Variants in OPCML observed in about 807,000 individuals in gnomAD.
OPCML encodes opioid binding protein/cell adhesion molecule like.
In OPCML, 13 loss-of-function variants were observed where a neutral mutation model predicts 37.8. The ratio of observed to expected loss-of-function variants is 0.34; its 90% CI spans 0.22 to 0.55. OPCML has a LOEUF of 0.55. OPCML is among the 20% of genes least tolerant of loss of function. The probability of loss-of-function intolerance (pLI) is 0.91; values close to 1 mark genes in which losing one functional copy is unlikely to be tolerated. For missense variants in OPCML, 341 were observed against 435.6 expected, an observed-to-expected ratio of 0.78 and a Z score of 1.93; for synonymous variants, 176 against 168.8, an observed-to-expected ratio of 1.04 and a Z score of -0.33.
Position 132,431,389 on chromosome 11 carries a change from C to T in OPCML, c.916+4697G>A, listed in dbSNP as rs74872104. Among the ~76,000 whole-genome samples the T allele has an allele frequency of 2.8e-4, 42 of 152,310 alleles. No individual in the cohort carries two copies. The South Asian group carries it at 8.3e-3, about 30-fold the overall frequency. On this transcript the variant is annotated intron_variant, in intron 7 of 7. Coordinates refer to ENST00000524381, the MANE Select transcript of OPCML (RefSeq NM_001012393.5). ...GGAACCCCGTGTTCCTTGCTGCTGG[C>T]GTTGACCGCCTTTCCACATCGGGCC...
At chr11:133,190,650 T>C (rs1265611514) in intron 1 of OPCML, among the ~76,000 whole-genome samples, 1 of 152,294 alleles carries the variant, frequency 6.6e-6, no homozygotes, top group East Asian at 1.9e-4. Context: ...ATCTCCCCAG[T>C]TCTATACAAC....
chr11:133,107,042 G>A (rs895924079), intron 1 of OPCML, among the ~76,000 whole-genome samples: 1 of 152,136 alleles, frequency 6.6e-6, no homozygotes, highest in Non-Finnish European at 1.5e-5. Context: ...GGAAAACAAG[G>A]CCAAGGACCT....
At chr11:133,116,575 T>C (rs893799208) in intron 1 of OPCML, among the ~76,000 whole-genome samples, 1 of 152,142 alleles carries the variant, frequency 6.6e-6, no homozygotes, top group Non-Finnish European at 1.5e-5. Flanking sequence ...GTTTCTTCAC[T>C]ATTAGATGCA....
At chr11:132,673,569 G>A (rs866412958) in intron 2 of OPCML, among the ~76,000 whole-genome samples, 3 of 152,104 alleles carry the variant, frequency 2.0e-5, no homozygotes, top group South Asian at 2.1e-4. Flanking sequence ...CTCTGATAGG[G>A]TTGGGGCAGG....
chr11:132,863,770 G>A (rs1942406960), intron 2 of OPCML, among the ~76,000 whole-genome samples: 1 of 150,978 alleles, frequency 6.6e-6, no homozygotes, highest in South Asian at 2.1e-4. Context: ...AGGCCGGGAG[G>A]AATCTACACG....
At chr11:133,129,634 G>T (rs1018117835) in intron 1 of OPCML, among the ~76,000 whole-genome samples, 22 of 152,162 alleles carry the variant, frequency 1.4e-4, no homozygotes, top group South Asian at 1.0e-3. Context: ...TGGGTGTGGT[G>T]TCTCACACTT....
intron 1 of OPCML, among the ~76,000 whole-genome samples, chr11:133,304,612 A>G (rs1942865325): frequency 6.6e-6 from 1 of 152,154 alleles, no homozygotes; most frequent in Non-Finnish European, 1.5e-5. Context: ...CCCTGCTCCC[A>G]TACCCAATGC....
chr11:133,261,994 G>A (rs918471074), intron 1 of OPCML, among the ~76,000 whole-genome samples: 5 of 152,154 alleles, frequency 3.3e-5, no homozygotes, highest in Admixed American at 3.3e-4. Flanking sequence ...GCCGTGGGTG[G>A]CTCCAGCTAC....
At chr11:132,476,506 G>A (rs568947398) in intron 4 of OPCML, among the ~76,000 whole-genome samples, 11 of 152,060 alleles carry the variant, frequency 7.2e-5, no homozygotes, top group African/African-American at 1.2e-4. Flanking sequence ...AATACTATGC[G>A]GCCATAAAAA....
intron 1 of OPCML, among the ~76,000 whole-genome samples, chr11:133,116,218 C>A (rs144551843): frequency 1.2e-3 from 186 of 152,304 alleles, no homozygotes; most frequent in African/African-American, 4.2e-3. Context: ...ACACCCGCCT[C>A]GGCCTCCCAA....
chr11:133,485,873 TCTA>T (rs1947515302), intron 1 of OPCML, among the ~76,000 whole-genome samples: 1 of 152,202 alleles, frequency 6.6e-6, no homozygotes, highest in South Asian at 2.1e-4. Context: ...CGTTTCACAG[TCTA>T]CTTAGTGCCA....
chr11:132,606,510 A>G (rs1326668772), intron 3 of OPCML, among the ~76,000 whole-genome samples: 5 of 152,158 alleles, frequency 3.3e-5, no homozygotes. Context: ...AAAGGCACAC[A>G]GTCAGAGGGC....
At chr11:132,490,687 C>T (rs1055783997) in intron 4 of OPCML, among the ~76,000 whole-genome samples, 3 of 151,742 alleles carry the variant, frequency 2.0e-5, no homozygotes, top group East Asian at 1.9e-4. Flanking sequence ...GGTGTGGTGG[C>T]GGGCGCCTGT....
At chr11:133,040,356 C>G (rs1947866971) in intron 1 of OPCML, among the ~76,000 whole-genome samples, 1 of 152,186 alleles carries the variant, frequency 6.6e-6, no homozygotes, top group Admixed American at 6.5e-5. Context: ...CCCTAAAACT[C>G]TGCTCTCTTC....
intron 1 of OPCML, among the ~76,000 whole-genome samples, chr11:132,960,610 T>C (rs1946072605): frequency 6.6e-6 from 1 of 152,202 alleles, no homozygotes; most frequent in Non-Finnish European, 1.5e-5. Flanking sequence ...CTGTCTGTCT[T>C]CCCTTTTCTC....
chr11:132,586,858 C>T (rs1337830181), intron 3 of OPCML, among the ~76,000 whole-genome samples: 3 of 152,136 alleles, frequency 2.0e-5, no homozygotes, highest in Admixed American at 2.0e-4. Flanking sequence ...CTAAGACAGT[C>T]TCTCAAAAAT....
At chr11:132,429,888 T>C (rs1343747879) in intron 7 of OPCML, among the ~76,000 whole-genome samples, 1 of 152,030 alleles carries the variant, frequency 6.6e-6, no homozygotes, top group Non-Finnish European at 1.5e-5. Flanking sequence ...CCTCTCACCA[T>C]AGGCTGACCC....
chr11:132,432,469 T>C (rs1398227065), intron 7 of OPCML, among the ~76,000 whole-genome samples: 2 of 152,122 alleles, frequency 1.3e-5, no homozygotes, highest in Non-Finnish European at 2.9e-5. Context: ...CCAAAATGCC[T>C]TCACTGATTA....
At chr11:132,435,824 A>C (rs1311430318) in intron 7 of OPCML, among the ~76,000 whole-genome samples, 1 of 152,232 alleles carries the variant, frequency 6.6e-6, no homozygotes, top group African/African-American at 2.4e-5. Context: ...TACAAAAACC[A>C]TTCTACCTGA....
Sources: gnomAD v4.1 joint callset for allele counts (sites outside exome capture counted in the v4.1 genomes callset) on GRCh38, gnomAD v4.1.1 for gene constraint, MANE v1.5 for transcripts, NCBI Gene and HGNC (gene_info 2026-07-23, HGNC 2026-07-21) for gene names.